Variants in CIMIP4 observed in about 807,000 individuals in gnomAD.
CIMIP4 encodes ciliary microtubule inner protein 4, also known as protein EAN57.
At chr22:36,991,150 G>T in the CIMIP4 span, 1 of 1,590,782 alleles carries the variant, frequency 6.3e-7, no homozygotes, top group Non-Finnish European at 8.6e-7. Flanking sequence ...CACTTTATTT[G>T]AGTAGAAGAC....
At chr22:37,004,997 G>A in the CIMIP4 span, among the ~76,000 whole-genome samples, 66,837 of 151,722 alleles carry the variant, frequency 0.44, 14,826 homozygotes, top group East Asian at 0.53. Flanking sequence ...CTGTGACTTC[G>A]GTTTTGTTTG....
the CIMIP4 span, among the ~76,000 whole-genome samples, chr22:37,004,603 C>T: frequency 6.6e-6 from 1 of 152,194 alleles, no homozygotes; most frequent in African/African-American, 2.4e-5. Context: ...ACTCAGTCTT[C>T]TCTCTAAGGC....
the CIMIP4 span, among the ~76,000 whole-genome samples, chr22:37,005,909 C>T: frequency 1.3e-5 from 2 of 152,212 alleles, no homozygotes; most frequent in Non-Finnish European, 2.9e-5. Flanking sequence ...TAAGAAATAG[C>T]TTCAGAAGGC....
At chr22:36,996,379 C>T in the CIMIP4 span, among the ~76,000 whole-genome samples, 6 of 150,974 alleles carry the variant, frequency 4.0e-5, no homozygotes, top group African/African-American at 4.9e-5. Flanking sequence ...TTTGTGTATA[C>T]GGTATCAGCA....
the CIMIP4 span, among the ~76,000 whole-genome samples, chr22:36,993,965 A>T: frequency 1.8e-4 from 28 of 152,326 alleles, no homozygotes; most frequent in African/African-American, 6.3e-4. Flanking sequence ...AGAAAAAGAT[A>T]TACCCAGGCA....
the CIMIP4 span, chr22:36,991,248 G>T: frequency 6.2e-7 from 1 of 1,614,116 alleles, no homozygotes; most frequent in Non-Finnish European, 8.5e-7. Context: ...GCAAGTTCAG[G>T]TTCATAGCAT....
the CIMIP4 span, chr22:36,991,185 C>G: frequency 6.2e-7 from 1 of 1,614,108 alleles, no homozygotes; most frequent in African/African-American, 1.3e-5. Context: ...AAAACTAGTA[C>G]TTGGAGCTCT....
the CIMIP4 span, among the ~76,000 whole-genome samples, chr22:36,992,008 T>C: frequency 6.6e-6 from 1 of 152,052 alleles, no homozygotes; most frequent in Non-Finnish European, 1.5e-5. Flanking sequence ...AAGGACAAAA[T>C]CTCCCAAATT....
chr22:36,998,580 A>T, the CIMIP4 span, among the ~76,000 whole-genome samples: 1 of 152,310 alleles, frequency 6.6e-6, no homozygotes, highest in African/African-American at 2.4e-5. Context: ...TAGGGAGGTG[A>T]CTTAGTGGTC....
the CIMIP4 span, chr22:37,002,418 A>C: frequency 2.2e-5 from 14 of 641,886 alleles, no homozygotes; most frequent in East Asian, 6.6e-5. Flanking sequence ...CGGACAGACA[A>C]AGAGCCCCAG....
At chr22:37,005,590 A>G in the CIMIP4 span, among the ~76,000 whole-genome samples, 2 of 151,738 alleles carry the variant, frequency 1.3e-5, no homozygotes, top group Admixed American at 6.6e-5. Context: ...TGGAGTTGGA[A>G]GATGCAGTGA....
At chr22:37,004,188 G>A in the CIMIP4 span, among the ~76,000 whole-genome samples, 387 of 152,156 alleles carry the variant, frequency 2.5e-3, 3 homozygotes, top group African/African-American at 9.0e-3. Flanking sequence ...CCAGACCCAC[G>A]GAGCCTCTGC....
the CIMIP4 span, among the ~76,000 whole-genome samples, chr22:37,003,774 A>G: frequency 2.0e-5 from 3 of 152,190 alleles, no homozygotes; most frequent in African/African-American, 7.2e-5. Flanking sequence ...GGGAGGGCTC[A>G]GTAATTCCGT....
At chr22:37,003,940 G>A in the CIMIP4 span, 2 of 1,545,142 alleles carry the variant, frequency 1.3e-6, no homozygotes, top group South Asian at 1.2e-5. Flanking sequence ...TGTGCATTCA[G>A]CACATCCCTG....
At chr22:37,000,331 C>G in the CIMIP4 span, among the ~76,000 whole-genome samples, 9 of 152,228 alleles carry the variant, frequency 5.9e-5, no homozygotes, top group Admixed American at 6.5e-5. Flanking sequence ...CTCAGGAGAC[C>G]AAAGATCACC....
chr22:36,995,655 C>T, the CIMIP4 span, among the ~76,000 whole-genome samples: 1 of 152,184 alleles, frequency 6.6e-6, no homozygotes, highest in Non-Finnish European at 1.5e-5. Context: ...TTCCCCCATG[C>T]TGTTTCCATG....
At chr22:37,002,346 C>A in the CIMIP4 span, 19 of 1,161,372 alleles carry the variant, frequency 1.6e-5, no homozygotes, top group African/African-American at 8.7e-5. Context: ...GAGAGAGACA[C>A]GCAGACAAGG....
At chr22:37,005,759 C>A in the CIMIP4 span, among the ~76,000 whole-genome samples, 1 of 152,116 alleles carries the variant, frequency 6.6e-6, no homozygotes, top group South Asian at 2.1e-4. Flanking sequence ...ATGGTAGTTG[C>A]CTCTTACTTT....
the CIMIP4 span, among the ~76,000 whole-genome samples, chr22:36,993,733 A>AAAAAGAAAAG: frequency 4.6e-5 from 7 of 152,092 alleles, 1 homozygote; most frequent in South Asian, 6.2e-4. Flanking sequence ...CATCTCAAAA[A>AAAAAGAAAAG]AAAAGAAAAG....
Sources: gnomAD v4.1 joint callset for allele counts (sites outside exome capture counted in the v4.1 genomes callset) on GRCh38, gnomAD v4.1.1 for gene constraint, MANE v1.5 for transcripts, NCBI Gene and HGNC (gene_info 2026-07-23, HGNC 2026-07-21) for gene names.